Variants in ZMYND11 observed in about 807,000 individuals in gnomAD.
ZMYND11 encodes zinc finger MYND domain-containing protein 11.
In ZMYND11, 9 loss-of-function variants were observed where a neutral mutation model predicts 84.9. The ratio of observed to expected loss-of-function variants is 0.11; its 90% CI spans 0.06 to 0.18. The LOEUF (loss-of-function observed/expected upper bound fraction) is 0.18, where lower values mean the gene tolerates loss of function less well. Ranked by LOEUF, ZMYND11 falls within the 10% of genes least tolerant of loss-of-function variation. The probability of loss-of-function intolerance (pLI) is 1.00; values close to 1 mark genes in which losing one functional copy is unlikely to be tolerated. For synonymous variants in ZMYND11, 250 were observed against 244.1 expected (o/e 1.02, Z -0.23); for missense variants, 409 against 761.0 (o/e 0.54, Z 5.44).
intron 4 of ZMYND11, among the ~76,000 whole-genome samples, chr10:235,497 G>A (rs1447378613): frequency 6.6e-6 from 1 of 151,806 alleles, no homozygotes; most frequent in African/African-American, 2.4e-5. Flanking sequence ...TGGACACTCT[G>A]TCTTGGCCAT....
intron 1 of ZMYND11, among the ~76,000 whole-genome samples, chr10:136,968 A>G (rs1836245205): frequency 6.6e-6 from 1 of 152,090 alleles, no homozygotes; most frequent in Non-Finnish European, 1.5e-5. Context: ...TATATACACT[A>G]CCTGGTGTTA....
At chr10:166,282 A>G (rs1844001060) in intron 1 of ZMYND11, among the ~76,000 whole-genome samples, 1 of 152,150 alleles carries the variant, frequency 6.6e-6, no homozygotes, top group East Asian at 1.9e-4. Context: ...TTATGCATTA[A>G]AGGACCTTAT....
At chr10:162,118 G>A (rs1489046565) in intron 1 of ZMYND11, among the ~76,000 whole-genome samples, 3 of 152,132 alleles carry the variant, frequency 2.0e-5, no homozygotes, top group Non-Finnish European at 2.9e-5. Flanking sequence ...CTATTAATGC[G>A]CCGGATTTCA....
At chr10:249,797 C>A in intron 14 of ZMYND11, 3 of 966,936 alleles carry the variant, frequency 3.1e-6, no homozygotes, top group Non-Finnish European at 3.7e-6. Flanking sequence ...TAAACTAATT[C>A]TTCATTTTAT....
intron 2 of ZMYND11, among the ~76,000 whole-genome samples, chr10:191,345 A>G (rs750236974): frequency 6.6e-6 from 1 of 152,328 alleles, no homozygotes; most frequent in South Asian, 2.1e-4. Flanking sequence ...ATGGATTTGT[A>G]TCTTTGCAAA....
At position 254,456 on chromosome 10, in the gene ZMYND11, T is replaced by C. The variant is rs1451264741; in HGVS notation, c.*1986T>C. ...TGTTTTAGGAATCATTATTAAAAAT[T>C]TTCTGCAAATCATAAAGCTATATCG... is the stretch of plus-strand genomic sequence containing the variant. On this transcript the variant is annotated 3_prime_UTR_variant, in exon 15 of 15. Transcript: ENST00000381604. 2 of 152,656 alleles carry C rather than the reference T, an allele frequency of 1.3e-5. No individual in the cohort carries two copies. The highest frequency in any genetic ancestry group is 3.8e-4 in the East Asian group (2 of 5,198). 9.5% of individuals were successfully genotyped at this position (152,656 alleles called of 1,614,324 possible). A position where few individuals can be genotyped will look rare whatever the true frequency, so the allele number is the denominator to read the frequency against.
chr10:237,821 C>A (rs913088753), intron 6 of ZMYND11, 144 bp downstream of exon 6: 1 of 562,164 alleles, frequency 1.8e-6, no homozygotes, highest in African/African-American at 1.9e-5. Flanking sequence ...AAAAGACAGG[C>A]ATAACTACCA....
chr10:137,780 G>A (rs2131066628), intron 1 of ZMYND11, among the ~76,000 whole-genome samples: 1 of 152,238 alleles, frequency 6.6e-6, no homozygotes, highest in Non-Finnish European at 1.5e-5. Context: ...ATTTTTGGTT[G>A]ACTCATCTTT....
At chr10:162,320 A>G (rs888138087) in intron 1 of ZMYND11, among the ~76,000 whole-genome samples, 3 of 152,230 alleles carry the variant, frequency 2.0e-5, no homozygotes, top group Admixed American at 6.5e-5. Context: ...CTCAATAACA[A>G]TAATGGAAAA....
At chr10:241,569 TC>T (rs1355441856) in intron 9 of ZMYND11, among the ~76,000 whole-genome samples, 1 of 152,190 alleles carries the variant, frequency 6.6e-6, no homozygotes, top group Non-Finnish European at 1.5e-5. Flanking sequence ...CTGTATAATT[TC>T]CCCAAAATAA....
chr10:174,103 A>G (rs781952059), intron 1 of ZMYND11, among the ~76,000 whole-genome samples: 51 of 152,342 alleles, frequency 3.3e-4, no homozygotes, highest in Non-Finnish European at 5.6e-4. Flanking sequence ...AAACATGCAC[A>G]TGGATGTTTA....
At chr10:143,958 C>G (rs1838074405) in intron 1 of ZMYND11, among the ~76,000 whole-genome samples, 1 of 149,622 alleles carries the variant, frequency 6.7e-6, no homozygotes, top group African/African-American at 2.5e-5. Flanking sequence ...GAGCGGAGAT[C>G]ATGCCACTGC....
chr10:217,785 A>G (rs560382237), intron 3 of ZMYND11, among the ~76,000 whole-genome samples: 1 of 152,310 alleles, frequency 6.6e-6, no homozygotes, highest in African/African-American at 2.4e-5. Flanking sequence ...TTTGTTCATT[A>G]TATAGGTAGA....
intron 6 of ZMYND11, among the ~76,000 whole-genome samples, chr10:237,952 A>G (rs1950250922): frequency 6.6e-6 from 1 of 152,242 alleles, no homozygotes; most frequent in African/African-American, 2.4e-5. Flanking sequence ...TGTTGATTTA[A>G]GAAAATGCCT....
At chr10:199,622 C>T (rs577517702) in intron 2 of ZMYND11, among the ~76,000 whole-genome samples, 8 of 151,842 alleles carry the variant, frequency 5.3e-5, no homozygotes, top group Non-Finnish European at 7.4e-5. Flanking sequence ...TTTGTAGAGA[C>T]GAGGTCTTAC....
At chr10:145,006 G>A (rs535116337) in intron 1 of ZMYND11, among the ~76,000 whole-genome samples, 1 of 151,094 alleles carries the variant, frequency 6.6e-6, no homozygotes, top group Non-Finnish European at 1.5e-5. Flanking sequence ...GTTCTCACAA[G>A]TGAGAACATG....
chr10:143,456 G>A lies in ZMYND11; in HGVS notation c.-20+7897G>A, dbSNP rs147868711. Among the ~76,000 whole-genome samples the A allele has an allele frequency of 6.0e-4, 91 of 152,138 alleles. No individual in the cohort carries two copies. The East Asian group carries it at 0.01, about 17-fold the overall frequency. On this transcript the variant is annotated intron_variant, in intron 1 of 14. Transcript: ENST00000381604. Reference sequence around the variant, plus strand: ...GAGAGCAGGTCCTTAATTTTCTATTGAATTTTGACATGGAGCCCTTCCTCA... The same window carrying A: ...GAGAGCAGGTCCTTAATTTTCTATTAAATTTTGACATGGAGCCCTTCCTCA...
chr10:254,163 T>TAAAACAA lies in ZMYND11; in HGVS notation c.*1693_*1694insAAAACAA, dbSNP rs1554795992. 1.3e-5 allele frequency: 2 copies of TAAAACAA among 152,622 alleles called. No individual in the cohort carries two copies. The highest frequency in any genetic ancestry group is 2.9e-5 in the Non-Finnish European group (2 of 68,038). 9.5% of individuals were successfully genotyped at this position (152,622 alleles called of 1,614,324 possible). A position where few individuals can be genotyped will look rare whatever the true frequency, so the allele number is the denominator to read the frequency against. ...AACACTTAACCTTCTTTGATTGTTT[T>TAAAACAA]TCAAGTTTTAAGACTTCGATCCACC... On this transcript the variant is annotated 3_prime_UTR_variant, in exon 15 of 15. Transcript: ENST00000381604.
chr10:248,636 C>A, intron 13 of ZMYND11, 28 bp downstream of exon 13: 1 of 1,568,594 alleles, frequency 6.4e-7, no homozygotes, highest in South Asian at 1.2e-5. Flanking sequence ...TGTGGGTGCC[C>A]TGCTGCAGCC....
Sources: gnomAD v4.1 joint callset for allele counts (sites outside exome capture counted in the v4.1 genomes callset) on GRCh38, gnomAD v4.1.1 for gene constraint, MANE v1.5 for transcripts, NCBI Gene and HGNC (gene_info 2026-07-23, HGNC 2026-07-21) for gene names.